DSCAM: variants seen among roughly 807,000 people sequenced by gnomAD.
The protein encoded by DSCAM is cell adhesion molecule DSCAM.
A neutral mutation model predicts 217.7 loss-of-function variants in DSCAM; 47 were observed. The ratio of observed to expected loss-of-function variants is 0.22; its 90% CI spans 0.17 to 0.28. The LOEUF (loss-of-function observed/expected upper bound fraction) is 0.28, where lower values mean the gene tolerates loss of function less well. Among genes scored for constraint, DSCAM ranks in the 10% least tolerant of loss-of-function variants. The pLI, the probability that DSCAM is intolerant of heterozygous loss-of-function variation, is 1.00. For missense variants in DSCAM, 2,080 were observed against 2,618.3 expected (o/e 0.79, Z 4.49); for synonymous variants, 1,056 against 1,015.3 (o/e 1.04, Z -0.76).
At chr21:40,096,662 C>T (rs183839990) in intron 20 of DSCAM, among the ~76,000 whole-genome samples, 3 of 151,520 alleles carry the variant, frequency 2.0e-5, no homozygotes, top group South Asian at 2.1e-4. Context: ...AACTGTAGCC[C>T]GCAGAGCCAA....
intron 11 of DSCAM, among the ~76,000 whole-genome samples, chr21:40,258,961 G>A (rs116625849): frequency 0.038 from 5,816 of 152,220 alleles, 364 homozygotes; most frequent in African/African-American, 0.13. Flanking sequence ...ACTGCTGGCG[G>A]GTGTACCCCT....
At chr21:40,389,441 A>G (rs958659092) in intron 3 of DSCAM, among the ~76,000 whole-genome samples, 2 of 152,210 alleles carry the variant, frequency 1.3e-5, no homozygotes, top group Admixed American at 6.5e-5. Context: ...TATCCACTGT[A>G]TTTGGCCAGT....
At chr21:40,032,149 C>G (rs1169757675) in intron 32 of DSCAM, among the ~76,000 whole-genome samples, 1 of 152,186 alleles carries the variant, frequency 6.6e-6, no homozygotes, top group African/African-American at 2.4e-5. Context: ...AAGCCCCCAG[C>G]TAGGGTTCTG....
chr21:40,445,260 C>T (rs954256626), intron 3 of DSCAM, among the ~76,000 whole-genome samples: 1 of 152,184 alleles, frequency 6.6e-6, no homozygotes, highest in African/African-American at 2.4e-5. Context: ...TGGGGTGACA[C>T]CAGCATTCAG....
intron 24 of DSCAM, among the ~76,000 whole-genome samples, chr21:40,080,561 T>C (rs1050522000): frequency 6.6e-6 from 1 of 152,162 alleles, no homozygotes; most frequent in Admixed American, 6.5e-5. Context: ...CACCAGACAT[T>C]ATCACTGTGA....
chr21:40,729,806 C>T (rs574492488), intron 1 of DSCAM, among the ~76,000 whole-genome samples: 1 of 152,172 alleles, frequency 6.6e-6, no homozygotes, highest in African/African-American at 2.4e-5. Context: ...TAGGCCAGAT[C>T]CATGGTGAAA....
At chr21:40,450,757 T>C (rs76784628) in intron 3 of DSCAM, among the ~76,000 whole-genome samples, 1 of 152,222 alleles carries the variant, frequency 6.6e-6, no homozygotes, top group Non-Finnish European at 1.5e-5. Flanking sequence ...TTTGTTGTTG[T>C]TGCTGCTTTT....
intron 3 of DSCAM, among the ~76,000 whole-genome samples, chr21:40,487,304 C>CGTGTGTGT (rs57837494): frequency 7.1e-6 from 1 of 141,768 alleles, no homozygotes; most frequent in African/African-American, 2.7e-5. Context: ...TGTGTGCGTG[C>CGTGTGTGT]GTGTGTGTGT....
intron 1 of DSCAM, among the ~76,000 whole-genome samples, chr21:40,784,572 C>T (rs1450986378): frequency 6.6e-6 from 1 of 152,094 alleles, no homozygotes; most frequent in Non-Finnish European, 1.5e-5. Flanking sequence ...TGCAATGGGC[C>T]GAATATCTGT....
intron 3 of DSCAM, among the ~76,000 whole-genome samples, chr21:40,653,490 G>A (rs1443728834): frequency 6.6e-6 from 1 of 152,136 alleles, no homozygotes; most frequent in Admixed American, 6.5e-5. Flanking sequence ...GACACAAGAG[G>A]CCAGAGGCAA....
intron 2 of DSCAM, among the ~76,000 whole-genome samples, chr21:40,697,116 T>A (rs2090604191): frequency 6.6e-6 from 1 of 152,130 alleles, no homozygotes; most frequent in African/African-American, 2.4e-5. Flanking sequence ...TCCACCTCCA[T>A]AAGATCCACT....
chr21:40,731,863 G>C (rs2091016420), intron 1 of DSCAM, among the ~76,000 whole-genome samples: 1 of 151,708 alleles, frequency 6.6e-6, no homozygotes. Flanking sequence ...TGAGCAGATG[G>C]GATTACAGGT....
At chr21:40,155,792 C>A (rs745327761) in intron 16 of DSCAM, among the ~76,000 whole-genome samples, 9 of 152,026 alleles carry the variant, frequency 5.9e-5, no homozygotes, top group Non-Finnish European at 1.2e-4. Context: ...ACCTCTCACC[C>A]CAACAAACCA....
chr21:40,797,979 T>C (rs1300057134), intron 1 of DSCAM, among the ~76,000 whole-genome samples: 7 of 152,146 alleles, frequency 4.6e-5, no homozygotes, highest in African/African-American at 1.7e-4. Context: ...AGATGCACAT[T>C]ACTTTTTTTA....
At chr21:40,390,986 G>A (rs2075128778) in intron 3 of DSCAM, among the ~76,000 whole-genome samples, 1 of 152,130 alleles carries the variant, frequency 6.6e-6, no homozygotes, top group Admixed American at 6.5e-5. Flanking sequence ...ATAAAAGAAA[G>A]AAAACTGTAT....
At chr21:40,157,252 A>G (rs2090488272) in intron 16 of DSCAM, among the ~76,000 whole-genome samples, 1 of 152,184 alleles carries the variant, frequency 6.6e-6, no homozygotes, top group Non-Finnish European at 1.5e-5. Context: ...AGCAGTTAAG[A>G]CCGAGACTGC....
intron 3 of DSCAM, among the ~76,000 whole-genome samples, chr21:40,478,905 T>C (rs141358647): frequency 0.014 from 2,115 of 152,312 alleles, 64 homozygotes; most frequent in African/African-American, 0.048. Flanking sequence ...AATAATAAAA[T>C]AGAACAATTA....
chr21:40,170,223 C>T (rs566566836), intron 15 of DSCAM, among the ~76,000 whole-genome samples: 5 of 152,284 alleles, frequency 3.3e-5, no homozygotes, highest in South Asian at 2.1e-4. Flanking sequence ...GTGAGCCTCC[C>T]GCTGCAGCTG....
chr21:40,329,702 T>C (rs559328539), intron 8 of DSCAM, among the ~76,000 whole-genome samples: 1 of 151,860 alleles, frequency 6.6e-6, no homozygotes, highest in South Asian at 2.1e-4. Context: ...CTTAAGACTA[T>C]TCAACCTTAA....
Sources: gnomAD v4.1 joint callset for allele counts (sites outside exome capture counted in the v4.1 genomes callset) on GRCh38, gnomAD v4.1.1 for gene constraint, MANE v1.5 for transcripts, NCBI Gene and HGNC (gene_info 2026-07-23, HGNC 2026-07-21) for gene names.